Variants in FRMPD3 observed in about 807,000 individuals in gnomAD.
The protein encoded by FRMPD3 is FERM and PDZ domain-containing protein 3.
Under a neutral mutation model 97.9 loss-of-function variants are expected in FRMPD3, and 42 were observed. The observed-to-expected ratio is 0.43, with a 90% CI of 0.34 to 0.55. FRMPD3 has a LOEUF of 0.55. Ranked by LOEUF, FRMPD3 falls within the 20% of genes least tolerant of loss-of-function variation. The pLI, the probability that FRMPD3 is intolerant of heterozygous loss-of-function variation, is 0.03. For synonymous variants in FRMPD3, 577 were observed against 581.1 expected (o/e 0.99, Z 0.10); for missense variants, 1,303 against 1,457.7 (o/e 0.89, Z 1.73).
intron 8 of FRMPD3, chrX:107,554,786 A>G (rs1922006514): frequency 3.4e-6 from 1 of 292,362 alleles, no homozygotes; most frequent in Non-Finnish European, 6.1e-6. Flanking sequence ...ACAGGATCCT[A>G]AAGTTTAACA....
At chrX:107,591,137 A>ATTTCTTTC (rs768963887) in intron 13 of FRMPD3, among the ~76,000 whole-genome samples, 4 of 106,234 alleles carry the variant, frequency 3.8e-5, no homozygotes, top group South Asian at 4.0e-4. Flanking sequence ...CAAATTGTAT[A>ATTTCTTTC]TTTCTTTCTT....
intron 10 of FRMPD3, among the ~76,000 whole-genome samples, chrX:107,562,868 A>G (rs762067467): frequency 3.6e-5 from 4 of 111,976 alleles, no homozygotes; most frequent in Non-Finnish European, 7.5e-5. Flanking sequence ...AGTAAGCTGG[A>G]TACTTTAGGA....
chrX:107,524,330 G>A (rs988033127), intron 1 of FRMPD3, among the ~76,000 whole-genome samples: 1 of 112,213 alleles, frequency 8.9e-6, no homozygotes. Context: ...TTCCAGCTTC[G>A]GAGTGACTTT....
intron 13 of FRMPD3, among the ~76,000 whole-genome samples, chrX:107,588,175 G>T (rs1224455800): frequency 9.0e-6 from 1 of 111,078 alleles, no homozygotes; most frequent in Admixed American, 9.6e-5. Context: ...CTTTCTGGCT[G>T]CCCTTAACAT....
In FRMPD3 at chrX:107,560,471, T is replaced by C; in HGVS notation, c.899+78T>C. On this transcript the variant is annotated intron_variant, in intron 9 of 14. Coordinates refer to ENST00000683843, the MANE Select transcript of FRMPD3 (RefSeq NM_001388459.1). ...AAGGTACACTGGTTGAGCTATGCTATGCTTTTCAGAAATGTAGGACATGGG... is the reference window on the plus strand; with the variant it reads ...AAGGTACACTGGTTGAGCTATGCTACGCTTTTCAGAAATGTAGGACATGGG... 3.5e-6 allele frequency: 4 copies of C among 1,127,218 alleles called. No homozygotes were observed. In the Admixed American group the frequency reaches 7.4e-5, roughly 21 times the overall value. The allele number at this position is 1,127,218 out of a possible 1,213,427, so 92.9% of individuals were successfully genotyped here.
At chrX:107,563,050 A>G in intron 10 of FRMPD3, 61 bp from the exon 11 acceptor site, 1 of 918,091 alleles carries the variant, frequency 1.1e-6, no homozygotes, top group Non-Finnish European at 1.6e-6. Context: ...CGTTGAGAAC[A>G]TGGGTTTGCT....
intron 1 of FRMPD3, among the ~76,000 whole-genome samples, chrX:107,475,744 A>G (rs950162082): frequency 3.6e-5 from 4 of 112,546 alleles, no homozygotes; most frequent in African/African-American, 1.3e-4. Context: ...TGTAGCAGTT[A>G]GAACACCGAA....
At chrX:107,501,353 ATTTTTTTTT>A (rs1180253334) in intron 1 of FRMPD3, among the ~76,000 whole-genome samples, 4 of 44,737 alleles carry the variant, frequency 8.9e-5, no homozygotes, top group Admixed American at 5.3e-4. Flanking sequence ...CTTGTCTCCT[ATTTTTTTTT>A]TTTTTTTTTT....
intron 3 of FRMPD3, among the ~76,000 whole-genome samples, chrX:107,531,353 TCTC>T: frequency 9.2e-6 from 1 of 108,813 alleles, no homozygotes; most frequent in African/African-American, 3.4e-5. Context: ...CCTCTCTCTC[TCTC>T]TCTCTCTCTC....
At chrX:107,466,983 G>A (rs1931576402) in intron 1 of FRMPD3, among the ~76,000 whole-genome samples, 1 of 105,248 alleles carries the variant, frequency 9.5e-6, no homozygotes, top group Non-Finnish European at 1.9e-5. Context: ...ATTGAGACAG[G>A]TTGGAGGTGT....
chrX:107,484,471 C>T (rs1357132078), intron 1 of FRMPD3, among the ~76,000 whole-genome samples: 1 of 112,640 alleles, frequency 8.9e-6, no homozygotes, highest in Admixed American at 9.3e-5. Context: ...CCTCCTCCCT[C>T]CTCCCCAAAT....
intron 1 of FRMPD3, among the ~76,000 whole-genome samples, chrX:107,517,418 T>C (rs751078457): frequency 1.8e-5 from 2 of 111,224 alleles, no homozygotes; most frequent in African/African-American, 6.5e-5. Flanking sequence ...GTGAGGAAGA[T>C]GGAGGAGAGA....
At chrX:107,593,176 G>A (rs770694013) in intron 13 of FRMPD3, among the ~76,000 whole-genome samples, 99 of 110,955 alleles carry the variant, frequency 8.9e-4, no homozygotes, top group African/African-American at 3.0e-3. Flanking sequence ...CCTATGCTCG[G>A]CCATTTGTAT....
At chrX:107,545,450 A>G (rs1317527077) in intron 4 of FRMPD3, 1 of 202,515 alleles carries the variant, frequency 4.9e-6, no homozygotes, top group Non-Finnish European at 8.9e-6. Context: ...AACTCAATGT[A>G]TGTTATTACT....
intron 6 of FRMPD3, among the ~76,000 whole-genome samples, chrX:107,552,170 A>T (rs1921890457): frequency 8.9e-6 from 1 of 112,168 alleles, no homozygotes; most frequent in South Asian, 3.7e-4. Flanking sequence ...AAGTAGTCAG[A>T]TTTATGACTG....
chrX:107,585,410 T>C (rs1242241266), intron 13 of FRMPD3, among the ~76,000 whole-genome samples: 2 of 111,799 alleles, frequency 1.8e-5, no homozygotes, highest in Non-Finnish European at 3.8e-5. Context: ...TGACTTCCTC[T>C]CTTCCTATTT....
chrX:107,494,262 A>G (rs764246912), intron 1 of FRMPD3, among the ~76,000 whole-genome samples: 29 of 111,894 alleles, frequency 2.6e-4, no homozygotes, highest in Non-Finnish European at 3.2e-4. Flanking sequence ...CTTGAGCTGG[A>G]TATGGTGAGC....
chrX:107,563,172 C>T lies in FRMPD3; in HGVS notation c.1088C>T (p.Thr363Met), dbSNP rs769090104. ...LRILNELPTFTGVLFNTVGLD... is the reference protein window; with the variant it reads ...LRILNELPTFMGVLFNTVGLD... The stretch of plus-strand genomic sequence containing the variant: ...ATTCTGAATGAACTTCCTACCTTCA[C>T]GGGCGTTTTGTTCAACACTGTAGGC... Residue 363 changes from threonine (T) to methionine (M), a missense_variant, in exon 11 of 15, where the codon ACG becomes ATG. Thr to Met is a moderately conservative substitution (Grantham distance 81). This residue lies in a region of FRMPD3 where 535 missense variants were observed against 618.6 expected (regional missense o/e 0.86). Coordinates refer to ENST00000683843, the MANE Select transcript of FRMPD3 (RefSeq NM_001388459.1). The T allele has an allele frequency of 8.3e-7, 1 of 1,209,643 alleles. No homozygotes were observed. The highest frequency in any genetic ancestry group is 2.2e-5 in the Admixed American group (1 of 46,023).
At chrX:107,491,816 G>A (rs149005774) in intron 1 of FRMPD3, among the ~76,000 whole-genome samples, 1 of 111,888 alleles carries the variant, frequency 8.9e-6, no homozygotes, top group Non-Finnish European at 1.9e-5. Context: ...CAAACAATTT[G>A]TACAGCAAAA....
Sources: gnomAD v4.1 joint callset for allele counts (sites outside exome capture counted in the v4.1 genomes callset) on GRCh38, gnomAD v4.1.1 for gene constraint, gnomAD v4.1.1 regional missense constraint, MANE v1.5 for transcripts, NCBI Gene and HGNC (gene_info 2026-07-23, HGNC 2026-07-21) for gene names.